SPOUT1: variants seen among roughly 807,000 people sequenced by gnomAD.
The protein encoded by SPOUT1 is 28S rRNA (uridine-N(3))-methyltransferase.
A neutral mutation model predicts 54.8 loss-of-function variants in SPOUT1; 40 were observed. The ratio of observed to expected loss-of-function variants is 0.73; its 90% CI spans 0.57 to 0.95. The LOEUF is 0.95. Among genes scored for constraint, SPOUT1 ranks in the 40% least tolerant of loss-of-function variants. The pLI is 0.00. For synonymous variants in SPOUT1, 193 were observed against 200.3 expected (o/e 0.96, Z 0.31); for missense variants, 437 against 499.5 (o/e 0.87, Z 1.19).
rs1830106926 is a variant in SPOUT1 at position 128,821,192 on chromosome 9, T to C, written c.*1573A>G. The C allele has an allele frequency of 6.5e-6, 2 of 306,180 alleles. No individual in the cohort carries two copies. The highest frequency in any genetic ancestry group is 2.2e-5 in the African/African-American group (1 of 46,234). 19.0% of individuals were successfully genotyped at this position (306,180 alleles called of 1,614,324 possible). The stretch of plus-strand genomic sequence containing the variant: ...CTGCAGTGCACCAAGCTCTCCCACC[T>C]TCCCCCCGCAGGTCTGCAGTGCACC... On this transcript the variant is annotated 3_prime_UTR_variant, in exon 12 of 12. Transcript: ENST00000361256.
chr9:128,825,930 A>C, intron 7 of SPOUT1, 92 bp downstream of exon 7: 1 of 1,522,452 alleles, frequency 6.6e-7, no homozygotes, highest in Non-Finnish European at 9.0e-7. Context: ...GATTTCGGGC[A>C]GGTCCAGGGC....
chr9:128,820,622 C>A lies in SPOUT1; in HGVS notation c.*2143G>T. ...CATTCCTTGAGCCTCAGTTTCCCCCCGCTTGTCTCACTGGATATCTCTGAG... is the reference window on the plus strand; with the variant it reads ...CATTCCTTGAGCCTCAGTTTCCCCCAGCTTGTCTCACTGGATATCTCTGAG... On this transcript the variant is annotated 3_prime_UTR_variant, in exon 12 of 12. Coordinates refer to ENST00000361256, the MANE Select transcript of SPOUT1 (RefSeq NM_016390.4). The A allele has an allele frequency of 2.4e-6, 2 of 816,444 alleles. No individual in the cohort carries two copies. Among genetic ancestry groups the A allele is most frequent in the Non-Finnish European group, 4.0e-6 (2 of 502,410 alleles). 50.6% of individuals were successfully genotyped at this position (816,444 alleles called of 1,614,324 possible). A position where few individuals can be genotyped will look rare whatever the true frequency, so the allele number is the denominator to read the frequency against.
Position 128,820,725 on chromosome 9 carries a change from ATC to A in SPOUT1, c.*2038_*2039del. ...CCCAGCCACAGTCCTGCTAAGCCCT[ATC>A]TCTCCTACCAGGTGCCCCACCTCAA... On this transcript the variant is annotated 3_prime_UTR_variant, in exon 12 of 12. Coordinates refer to ENST00000361256, the MANE Select transcript of SPOUT1 (RefSeq NM_016390.4). 6.3e-7 allele frequency: 1 copy of A among 1,599,950 alleles called. No individual in the cohort carries two copies. Among genetic ancestry groups the A allele is most frequent in the Non-Finnish European group, 8.5e-7 (1 of 1,172,158 alleles).
intron 1 of SPOUT1, 115 bp from the exon 2 acceptor site, chr9:128,829,270 G>T: frequency 2.3e-6 from 2 of 868,884 alleles, no homozygotes; most frequent in Middle Eastern, 6.0e-4. Flanking sequence ...GGAAGCCAAG[G>T]AACCTCTGCG....
chr9:128,820,439 G>C lies in SPOUT1; in HGVS notation c.*2326C>G. 2.8e-6 allele frequency: 1 copy of C among 352,800 alleles called. No individual in the cohort carries two copies. Among genetic ancestry groups the C allele is most frequent in the East Asian group, 5.3e-5 (1 of 18,714 alleles). The allele number at this position is 352,800 out of a possible 1,614,324, so 21.9% of individuals were successfully genotyped here. On this transcript the variant is annotated 3_prime_UTR_variant, in exon 12 of 12. Coordinates refer to ENST00000361256, the MANE Select transcript of SPOUT1 (RefSeq NM_016390.4). ...GGTCTTCCCAGGAGACCCTGGGTGG[G>C]GCTGGGGACAGGCCTCAGTCCTCTC...
intron 9 of SPOUT1, 134 bp from the exon 10 acceptor site, chr9:128,824,308 G>A: frequency 1.7e-6 from 1 of 593,446 alleles, no homozygotes; most frequent in Non-Finnish European, 3.1e-6. Context: ...GTGCGTGTGT[G>A]TACTAAGGTA....
chr9:128,828,705 C>T lies in SPOUT1; in HGVS notation c.208+30G>A, dbSNP rs1389506779. 3.7e-6 allele frequency: 6 copies of T among 1,610,528 alleles called. No individual in the cohort carries two copies. The South Asian group carries it at 6.6e-5, about 18-fold the overall frequency. On this transcript the variant is annotated intron_variant, in intron 3 of 11. Transcript: ENST00000361256. Reference sequence around the variant, plus strand: ...GCAGGACAACTACCGTGGGCCACAACCTGTGGCCCTCCCCAAGACCCCAGC... The same window carrying T: ...GCAGGACAACTACCGTGGGCCACAATCTGTGGCCCTCCCCAAGACCCCAGC...
chr9:128,822,669 T>C lies in SPOUT1; in HGVS notation c.*96A>G. 1 of 1,553,876 alleles carries C rather than the reference T, an allele frequency of 6.4e-7. No individual in the cohort carries two copies. Among genetic ancestry groups the C allele is most frequent in the Non-Finnish European group, 8.7e-7 (1 of 1,148,078 alleles). ...GGCCGGGGAGTATTAAAGGTGGTGA[T>C]TTTTGGAGACAAGTCTGGTGGCGTC... is the stretch of plus-strand genomic sequence containing the variant. On this transcript the variant is annotated 3_prime_UTR_variant, in exon 12 of 12. Coordinates refer to ENST00000361256, the MANE Select transcript of SPOUT1 (RefSeq NM_016390.4).
At chr9:128,829,183 G>C (rs1415550330) in intron 1 of SPOUT1, 28 bp from the exon 2 acceptor site, 1 of 1,602,372 alleles carries the variant, frequency 6.2e-7, no homozygotes, top group East Asian at 2.2e-5. Flanking sequence ...GGAGGATTAT[G>C]AGTGTGAGGC....
chr9:128,822,191 C>T lies in SPOUT1; in HGVS notation c.*574G>A. 3.9e-6 allele frequency: 4 copies of T among 1,017,396 alleles called. No homozygotes were observed. Among genetic ancestry groups the T allele is most frequent in the Non-Finnish European group, 4.2e-6 (3 of 709,634 alleles). 63.0% of individuals were successfully genotyped at this position (1,017,396 alleles called of 1,614,324 possible). Reference sequence around the variant, plus strand: ...CAGCCTCAAGGAGGAGCCAGGCAGGCTACAGAAGTCTCACAGTGAGGGCGT... The same window carrying T: ...CAGCCTCAAGGAGGAGCCAGGCAGGTTACAGAAGTCTCACAGTGAGGGCGT... On this transcript the variant is annotated 3_prime_UTR_variant, in exon 12 of 12. Transcript: ENST00000361256.
intron 11 of SPOUT1, 148 bp from the exon 12 acceptor site, chr9:128,822,981 C>CT: frequency 1.1e-5 from 7 of 622,348 alleles, no homozygotes; most frequent in Non-Finnish European, 2.0e-5. Context: ...ATGACAGGCC[C>CT]AGGTTCACAC....
chr9:128,828,989 T>C, intron 2 of SPOUT1, 121 bp downstream of exon 2: 4 of 1,514,402 alleles, frequency 2.6e-6, no homozygotes, highest in Non-Finnish European at 3.7e-6. Flanking sequence ...TCCCGGCCCC[T>C]GCCTCCCCAC....
chr9:128,826,009 T>C lies in SPOUT1; in HGVS notation c.639+13A>G, dbSNP rs772975953. On this transcript the variant is annotated intron_variant, in intron 7 of 11. Coordinates refer to ENST00000361256, the MANE Select transcript of SPOUT1 (RefSeq NM_016390.4). The surrounding 1 kb of genome is among the most constrained non-coding windows in gnomAD (Gnocchi z 5.5). ...TCCTGGAGGTGTGTCCTAGCCCATC[T>C]TTCTGTTCCTACCTTTTTCATGCCA... The C allele has an allele frequency of 1.2e-6, 2 of 1,613,998 alleles. No individual in the cohort carries two copies. Among genetic ancestry groups the C allele is most frequent in the African/African-American group, 1.3e-5 (1 of 74,928 alleles).
intron 9 of SPOUT1, 54 bp downstream of exon 9, chr9:128,824,717 G>C (rs944812384): frequency 8.9e-5 from 125 of 1,398,166 alleles, no homozygotes; most frequent in Middle Eastern, 1.8e-4. Flanking sequence ...CAAGGCTCCC[G>C]GCCACCTCCC....
intron 10 of SPOUT1, 32 bp from the exon 11 acceptor site, chr9:128,823,926 G>C: frequency 6.2e-7 from 1 of 1,609,004 alleles, no homozygotes; most frequent in East Asian, 2.2e-5. Context: ...CACCTGAGCG[G>C]CCACCGAGGC....
chr9:128,823,632 C>T, intron 11 of SPOUT1, 115 bp downstream of exon 11: 4 of 923,418 alleles, frequency 4.3e-6, no homozygotes, highest in Middle Eastern at 2.8e-4. Context: ...GAGAGGACCA[C>T]CTCCAGACAA....
chr9:128,820,527 C>T lies in SPOUT1; in HGVS notation c.*2238G>A. 1.8e-6 allele frequency: 1 copy of T among 569,828 alleles called. No individual in the cohort carries two copies. The highest frequency in any genetic ancestry group is 3.1e-6 in the Non-Finnish European group (1 of 319,250). The allele number at this position is 569,828 out of a possible 1,614,324, so 35.3% of individuals were successfully genotyped here. A position where few individuals can be genotyped will look rare whatever the true frequency, so the allele number is the denominator to read the frequency against. On this transcript the variant is annotated 3_prime_UTR_variant, in exon 12 of 12. Transcript: ENST00000361256. ...TGGGAGCTGAGAAAAGACTTTGACACCTGGGCTGTGGGAGGGACAGAGGGT... is the reference window on the plus strand; with the variant it reads ...TGGGAGCTGAGAAAAGACTTTGACATCTGGGCTGTGGGAGGGACAGAGGGT...
Position 128,826,529 on chromosome 9 carries a change from G to C in SPOUT1, c.458+11C>G. ...ACCCCTCCCTCATGCTTAGGGGAGT[G>C]ACCCCCTTACTGTGGACACTCCAGG... On this transcript the variant is annotated intron_variant, in intron 5 of 11. Transcript: ENST00000361256. The surrounding 1 kb of genome is among the most constrained non-coding windows in gnomAD (Gnocchi z 5.5). 1.2e-6 allele frequency: 2 copies of C among 1,611,978 alleles called. No individual in the cohort carries two copies. Among genetic ancestry groups the C allele is most frequent in the Non-Finnish European group, 1.7e-6 (2 of 1,178,510 alleles).
chr9:128,825,053 G>A lies in SPOUT1; in HGVS notation c.640-4C>T. ...GGTTCTTGTCAATCTTCACCTCCTG[G>A]GGAGAAGCCAGAAGAAATGGGTGCC... On this transcript the variant is annotated splice_region_variant and splice_polypyrimidine_tract_variant and intron_variant, in intron 7 of 11. Transcript: ENST00000361256. The A allele has an allele frequency of 1.3e-6, 2 of 1,562,194 alleles. No homozygotes were observed. Among genetic ancestry groups the A allele is most frequent in the Non-Finnish European group, 1.7e-6 (2 of 1,152,820 alleles).
Sources: allele counts gnomAD v4.1 joint callset, GRCh38; gene constraint gnomAD v4.1.1; non-coding constraint Gnocchi (gnomAD v3.1); transcripts MANE v1.5; gene names NCBI Gene and HGNC (gene_info 2026-07-23, HGNC 2026-07-21).